SMARCC1: variants seen among roughly 807,000 people sequenced by gnomAD.
The protein encoded by SMARCC1 is SWI/SNF complex subunit SMARCC1.
A neutral mutation model predicts 147.4 loss-of-function variants in SMARCC1; 43 were observed. The observed-to-expected ratio is 0.29, with a 90% CI of 0.23 to 0.38. The LOEUF (loss-of-function observed/expected upper bound fraction) is 0.38, where lower values mean the gene tolerates loss of function less well. SMARCC1 is among the 10% of genes least tolerant of loss of function. The pLI is 1.00. For synonymous variants in SMARCC1, 495 were observed against 484.4 expected (o/e 1.02, Z -0.29); for missense variants, 1,119 against 1,381.1 (o/e 0.81, Z 3.01).
chr3:47,744,365 G>A (rs1482153090), intron 3 of SMARCC1, among the ~76,000 whole-genome samples: 1 of 151,962 alleles, frequency 6.6e-6, no homozygotes, highest in African/African-American at 2.4e-5. Flanking sequence ...GTCTGGACTC[G>A]AACTCCTGAC....
chr3:47,756,135 T>C (rs1264627259), intron 2 of SMARCC1, among the ~76,000 whole-genome samples: 3 of 151,332 alleles, frequency 2.0e-5, no homozygotes, highest in Non-Finnish European at 2.9e-5. Context: ...GATCGCGCCA[T>C]TGCACTCCAG....
chr3:47,758,757 G>A (rs538901304), intron 2 of SMARCC1, among the ~76,000 whole-genome samples: 4 of 152,016 alleles, frequency 2.6e-5, no homozygotes, highest in South Asian at 2.1e-4. Flanking sequence ...GGTGTTGGCC[G>A]GGCGCGGTGG....
intron 2 of SMARCC1, among the ~76,000 whole-genome samples, chr3:47,763,480 T>C (rs2034799495): frequency 6.6e-6 from 1 of 151,844 alleles, no homozygotes; most frequent in Non-Finnish European, 1.5e-5. Context: ...AATACGTCAG[T>C]ATTACACTTT....
chr3:47,612,676 G>A (rs1164953164), intron 25 of SMARCC1, among the ~76,000 whole-genome samples: 1 of 152,160 alleles, frequency 6.6e-6, no homozygotes, highest in Non-Finnish European at 1.5e-5. Context: ...GAGCTAGCCT[G>A]TATTATCCTC....
intron 24 of SMARCC1, among the ~76,000 whole-genome samples, chr3:47,623,848 T>C (rs1240708159): frequency 1.3e-5 from 2 of 151,746 alleles, no homozygotes; most frequent in East Asian, 1.9e-4. Context: ...ATATGACTCC[T>C]AGAACTCAGC....
intron 21 of SMARCC1, among the ~76,000 whole-genome samples, chr3:47,652,452 A>C (rs1476604943): frequency 6.6e-6 from 1 of 152,186 alleles, no homozygotes; most frequent in Non-Finnish European, 1.5e-5. Context: ...AAGCCTTTAA[A>C]GATGCTTGTT....
chr3:47,759,069 G>C (rs192425806), intron 2 of SMARCC1, among the ~76,000 whole-genome samples: 1 of 151,516 alleles, frequency 6.6e-6, no homozygotes, highest in Non-Finnish European at 1.5e-5. Flanking sequence ...CCATAGTGCA[G>C]AGGTGCAATC....
chr3:47,680,241 C>A (rs982725516), intron 15 of SMARCC1, 196 bp downstream of exon 15: 65 of 468,902 alleles, frequency 1.4e-4, no homozygotes, highest in East Asian at 3.9e-4. Context: ...CCAAAAAAAA[C>A]CCCCCAAAAC....
chr3:47,667,134 G>T (rs1476987581), intron 19 of SMARCC1, among the ~76,000 whole-genome samples: 1 of 152,048 alleles, frequency 6.6e-6, no homozygotes, highest in Non-Finnish European at 1.5e-5. Context: ...TGGCTAACAT[G>T]GTGAAACCTC....
In SMARCC1 at chr3:47,763,634, G is replaced by C. The variant is rs552309619; in HGVS notation, c.315+9183C>G. Among the ~76,000 whole-genome samples, 6 of 151,622 alleles carry C rather than the reference G, an allele frequency of 4.0e-5. No individual in the cohort carries two copies. The East Asian group carries it at 9.7e-4, about 24-fold the overall frequency. On this transcript the variant is annotated intron_variant, in intron 2 of 27. Transcript: ENST00000254480. ...AGATAGGCATGAGCCACAGTGCCCA[G>C]CTGAGATTTTTTTTTTAAGAAAAAA...
chr3:47,614,723 G>T (rs947210625), intron 25 of SMARCC1, among the ~76,000 whole-genome samples: 1 of 152,058 alleles, frequency 6.6e-6, no homozygotes, highest in African/African-American at 2.4e-5. Context: ...CCCTGATTCT[G>T]ACCTTGCTGC....
At position 47,587,936 on chromosome 3, in the gene SMARCC1, A is replaced by G. The variant is rs369081989; in HGVS notation, c.*273T>C. 36 of 436,782 alleles carry G rather than the reference A, an allele frequency of 8.2e-5. No homozygotes were observed. In the East Asian group the frequency reaches 1.2e-3, roughly 15 times the overall value. 27.1% of individuals were successfully genotyped at this position (436,782 alleles called of 1,614,324 possible). ...GGACCTGCAGAGAAACTGTCAGCTT[A>G]CTCCCACACCAGGACAGGGGAGATG... On this transcript the variant is annotated 3_prime_UTR_variant, in exon 28 of 28. Transcript: ENST00000254480.
chr3:47,593,309 T>C (rs1016363507), intron 26 of SMARCC1, among the ~76,000 whole-genome samples: 1 of 151,832 alleles, frequency 6.6e-6, no homozygotes, highest in Non-Finnish European at 1.5e-5. Flanking sequence ...GTACCCGGGA[T>C]TACAGGTGTG....
intron 26 of SMARCC1, among the ~76,000 whole-genome samples, chr3:47,606,494 T>C (rs550168220): frequency 6.6e-6 from 1 of 152,276 alleles, no homozygotes; most frequent in East Asian, 1.9e-4. Flanking sequence ...CCCATTATCA[T>C]CAAAATCTCA....
intron 25 of SMARCC1, among the ~76,000 whole-genome samples, chr3:47,611,938 T>C (rs2032571066): frequency 6.6e-6 from 1 of 152,172 alleles, no homozygotes; most frequent in African/African-American, 2.4e-5. Context: ...TAGACTTTCC[T>C]TAGGGAGAGG....
chr3:47,699,258 AT>A (rs999812437), intron 11 of SMARCC1, among the ~76,000 whole-genome samples: 14 of 152,194 alleles, frequency 9.2e-5, no homozygotes, highest in African/African-American at 3.4e-4. Context: ...GAAAAATCAA[AT>A]GCTAAATTTA....
intron 1 of SMARCC1, among the ~76,000 whole-genome samples, chr3:47,773,206 C>A (rs2034936035): frequency 1.3e-5 from 2 of 151,864 alleles, no homozygotes; most frequent in Non-Finnish European, 2.9e-5. Context: ...CGGCTCACTG[C>A]AACCTCTGCC....
chr3:47,602,215 C>T (rs2032398635), intron 26 of SMARCC1, among the ~76,000 whole-genome samples: 1 of 152,124 alleles, frequency 6.6e-6, no homozygotes, highest in South Asian at 2.1e-4. Flanking sequence ...TTGCTTGAGC[C>T]CAGGAATTCG....
At chr3:47,781,155 C>T (rs1163293290) in intron 1 of SMARCC1, among the ~76,000 whole-genome samples, 4 of 152,312 alleles carry the variant, frequency 2.6e-5, no homozygotes, top group Admixed American at 2.0e-4. Flanking sequence ...TATTAATTAA[C>T]GAATACAATC....
Sources: allele counts gnomAD v4.1 joint callset (sites outside exome capture counted in the v4.1 genomes callset), GRCh38; gene constraint gnomAD v4.1.1; transcripts MANE v1.5; gene names NCBI Gene and HGNC (gene_info 2026-07-23, HGNC 2026-07-21).